Variants in ANKS1B observed in about 807,000 individuals in gnomAD.
ANKS1B encodes the protein ankyrin repeat and sterile alpha motif domain containing 1B.
ANKS1B carries 36 observed loss-of-function variants against 148.3 expected under a neutral mutation model. The observed-to-expected ratio is 0.24, with a 90% CI of 0.19 to 0.32. The LOEUF is 0.32. ANKS1B is among the 10% of genes least tolerant of loss of function. ANKS1B has a pLI of 1.00. For synonymous variants in ANKS1B, 542 were observed against 560.8 expected, an observed-to-expected ratio of 0.97 and a Z score of 0.47; for missense variants, 1,157 against 1,542.6, an observed-to-expected ratio of 0.75 and a Z score of 4.19.
Position 98,958,792 on chromosome 12 carries a change from A to G in ANKS1B, c.2778+94365T>C, listed in dbSNP as rs1227086560. ...TTATGTGTTTAATTTATTTAAAGAG[A>G]TGCCTGTTCTGTTATTACTTCAAAT... is the stretch of plus-strand genomic sequence containing the variant. On this transcript the variant is annotated intron_variant, in intron 17 of 26. Coordinates refer to ENST00000683438, the MANE Select transcript of ANKS1B (RefSeq NM_001352186.2). Among the ~76,000 whole-genome samples, 3 of 152,342 alleles carry G rather than the reference A, an allele frequency of 2.0e-5. No homozygotes were observed. The East Asian group carries it at 5.8e-4, about 29-fold the overall frequency.
intron 9 of ANKS1B, among the ~76,000 whole-genome samples, chr12:99,580,845 C>T (rs571316289): frequency 6.6e-6 from 1 of 152,134 alleles, no homozygotes; most frequent in East Asian, 1.9e-4. Flanking sequence ...ACCAATGTGC[C>T]ACATGTACCC....
At chr12:99,436,518 T>C (rs1346196495) in intron 11 of ANKS1B, among the ~76,000 whole-genome samples, 2 of 152,070 alleles carry the variant, frequency 1.3e-5, no homozygotes, top group African/African-American at 2.4e-5. Context: ...TTCCAAGTTA[T>C]ATGCCTCTGT....
chr12:99,189,248 G>A (rs1167112964), intron 14 of ANKS1B, among the ~76,000 whole-genome samples: 3 of 152,050 alleles, frequency 2.0e-5, no homozygotes, highest in Admixed American at 6.6e-5. Flanking sequence ...ATTCGCAGCC[G>A]AATTCTACCA....
intron 12 of ANKS1B, among the ~76,000 whole-genome samples, chr12:99,380,033 G>A (rs1297541600): frequency 6.6e-6 from 1 of 152,114 alleles, no homozygotes; most frequent in East Asian, 1.9e-4. Flanking sequence ...GAATGCTGTG[G>A]GAAAATGAGG....
intron 9 of ANKS1B, among the ~76,000 whole-genome samples, chr12:99,511,262 T>C (rs185359139): frequency 1.4e-4 from 21 of 152,000 alleles, no homozygotes; most frequent in African/African-American, 4.6e-4. Context: ...TGGCCTTTTC[T>C]GCAGGCAAAT....
At chr12:99,247,708 T>C (rs1045253831) in intron 12 of ANKS1B, among the ~76,000 whole-genome samples, 4 of 152,208 alleles carry the variant, frequency 2.6e-5, no homozygotes, top group African/African-American at 9.6e-5. Context: ...ACCATGCTTT[T>C]TGCGACTTAA....
At chr12:99,191,384 A>G (rs1207091619) in intron 14 of ANKS1B, among the ~76,000 whole-genome samples, 1 of 152,202 alleles carries the variant, frequency 6.6e-6, no homozygotes, top group Admixed American at 6.5e-5. Flanking sequence ...TACTATAAAG[A>G]CACATGCACA....
At chr12:99,493,203 A>G (rs573746903) in intron 10 of ANKS1B, among the ~76,000 whole-genome samples, 473 of 152,328 alleles carry the variant, frequency 3.1e-3, no homozygotes, top group Non-Finnish European at 5.3e-3. Flanking sequence ...AAATATTACA[A>G]TGTATAAGCA....
chr12:99,881,228 C>T (rs1451758190), intron 1 of ANKS1B, among the ~76,000 whole-genome samples: 2 of 152,178 alleles, frequency 1.3e-5, no homozygotes, highest in East Asian at 3.9e-4. Context: ...TTCTAACACT[C>T]AGAGAGAGTG....
chr12:99,877,171 A>G (rs2115572), intron 1 of ANKS1B, among the ~76,000 whole-genome samples: 9,503 of 152,086 alleles, frequency 0.062, 958 homozygotes, highest in African/African-American at 0.22. Flanking sequence ...TGACTAAGTA[A>G]ATATTGCTTG....
chr12:99,894,272 AAAGG>A lies in ANKS1B; in HGVS notation c.135-68887_135-68884del, dbSNP rs1315964719. ...CCATCTCGAAAGAAAGAAAGGAAAGAAAGGAAGGAAGGAAGGAAGGGAGGGAGGG... is the reference window on the plus strand; with the variant it reads ...CCATCTCGAAAGAAAGAAAGGAAAGAAAGGAAGGAAGGAAGGGAGGGAGGG... On this transcript the variant is annotated intron_variant, in intron 1 of 26. Coordinates refer to ENST00000683438, the MANE Select transcript of ANKS1B (RefSeq NM_001352186.2). 8.4e-3 allele frequency among the ~76,000 whole-genome samples: 705 copies of A among 83,588 alleles called. 14 individuals carry two copies. The highest frequency in any genetic ancestry group is 0.022 in the African/African-American group (446 of 20,290). 54.8% of individuals were successfully genotyped at this position (83,588 alleles called of 152,430 possible). A position where few individuals can be genotyped will look rare whatever the true frequency, so the allele number is the denominator to read the frequency against.
intron 1 of ANKS1B, among the ~76,000 whole-genome samples, chr12:99,917,144 C>T (rs2094196310): frequency 6.6e-6 from 1 of 152,130 alleles, no homozygotes; most frequent in South Asian, 2.1e-4. Context: ...TGGGCAGGGG[C>T]TAGTGGTTCT....
chr12:99,776,356 T>C (rs536756109), intron 6 of ANKS1B, among the ~76,000 whole-genome samples: 61 of 152,324 alleles, frequency 4.0e-4, no homozygotes, highest in African/African-American at 1.4e-3. Context: ...ACTCATGTAA[T>C]CCTTACAAAA....
Position 99,247,437 on chromosome 12 carries a change from CA to C in ANKS1B, c.1757-574del, listed in dbSNP as rs1225947519. On this transcript the variant is annotated intron_variant, in intron 12 of 26. Transcript: ENST00000683438. ...TTCTATGCAGATTACATAATTTAGACAAAAAAAATTTGTTCAGACTTAACAA... is the reference window on the plus strand; with the variant it reads ...TTCTATGCAGATTACATAATTTAGACAAAAAAATTTGTTCAGACTTAACAA... 3.0e-4 allele frequency among the ~76,000 whole-genome samples: 46 copies of C among 151,830 alleles called. No homozygotes were observed. The East Asian group carries it at 8.5e-3, about 28-fold the overall frequency.
chr12:99,902,917 A>ATTGTTGTTGTTGTTGTTG (rs3054225), intron 1 of ANKS1B, among the ~76,000 whole-genome samples: 6 of 150,098 alleles, frequency 4.0e-5, no homozygotes, highest in South Asian at 2.1e-4. Context: ...CGCCCGGCTA[A>ATTGTTGTTGTTGTTGTTG]TTGTTGTTGT....
intron 24 of ANKS1B, among the ~76,000 whole-genome samples, chr12:98,773,389 AGTCATATCCT>A (rs2098621316): frequency 6.6e-6 from 1 of 152,092 alleles, no homozygotes; most frequent in African/African-American, 2.4e-5. Context: ...AACCTAACAC[AGTCATATCCT>A]GGAGCTGCAG....
intron 8 of ANKS1B, among the ~76,000 whole-genome samples, chr12:99,690,878 A>G (rs1237450685): frequency 6.6e-6 from 1 of 152,096 alleles, no homozygotes; most frequent in African/African-American, 2.4e-5. Flanking sequence ...GGAGGCTTCA[A>G]CCCCACATTT....
At chr12:98,760,652 G>C (rs537477956) in intron 25 of ANKS1B, among the ~76,000 whole-genome samples, 14 of 152,128 alleles carry the variant, frequency 9.2e-5, no homozygotes, top group Non-Finnish European at 2.1e-4. Context: ...TCTTGTTTAG[G>C]CTCTTCAGTT....
rs1047499953 is a variant in ANKS1B at position 99,511,275 on chromosome 12, T to C, written c.1273-6634A>G. 2.6e-5 allele frequency among the ~76,000 whole-genome samples: 4 copies of C among 151,806 alleles called. No homozygotes were observed. The South Asian group carries it at 8.3e-4, about 31-fold the overall frequency. ...AATGGCCTTTTCTGCAGGCAAATCA[T>C]GAATGAACTGCCACATCATGAATGA... On this transcript the variant is annotated intron_variant, in intron 9 of 26. Coordinates refer to ENST00000683438, the MANE Select transcript of ANKS1B (RefSeq NM_001352186.2).
Sources: gnomAD v4.1 joint callset for allele counts (sites outside exome capture counted in the v4.1 genomes callset) on GRCh38, gnomAD v4.1.1 for gene constraint, MANE v1.5 for transcripts, NCBI Gene and HGNC (gene_info 2026-07-23, HGNC 2026-07-21) for gene names.